Variants in SHISA9 observed in about 807,000 individuals in gnomAD.
The protein encoded by SHISA9 is protein shisa-9.
In SHISA9, 13 loss-of-function variants were observed where a neutral mutation model predicts 38.0. The ratio of observed to expected loss-of-function variants is 0.34; its 90% CI spans 0.22 to 0.54. The LOEUF (loss-of-function observed/expected upper bound fraction) is 0.54. Among genes scored for constraint, SHISA9 ranks in the 20% least tolerant of loss-of-function variants. The probability of loss-of-function intolerance (pLI) is 0.91; values close to 1 mark genes in which losing one functional copy is unlikely to be tolerated. For missense variants in SHISA9, 538 were observed against 575.8 expected, an observed-to-expected ratio of 0.93 and a Z score of 0.67; for synonymous variants, 275 against 242.0, an observed-to-expected ratio of 1.14 and a Z score of -1.27.
chr16:13,139,014 C>G (rs1392548500), intron 2 of SHISA9, among the ~76,000 whole-genome samples: 2 of 152,118 alleles, frequency 1.3e-5, no homozygotes, highest in African/African-American at 2.4e-5. Flanking sequence ...CTCCTATCCT[C>G]AAACGTGGGG....
intron 2 of SHISA9, among the ~76,000 whole-genome samples, chr16:12,917,199 T>C (rs1384760053): frequency 2.6e-5 from 4 of 152,228 alleles, no homozygotes; most frequent in East Asian, 1.9e-4. Flanking sequence ...GCCAATGGTC[T>C]GCTAGCTTAT....
At chr16:13,310,165 G>A in the SHISA9 span, among the ~76,000 whole-genome samples, 13 of 152,210 alleles carry the variant, frequency 8.5e-5, no homozygotes, top group African/African-American at 3.1e-4. Flanking sequence ...TGGGATTACA[G>A]GCGTGAGCCA....
At chr16:12,984,292 T>C (rs1031638512) in intron 2 of SHISA9, among the ~76,000 whole-genome samples, 8 of 152,182 alleles carry the variant, frequency 5.3e-5, no homozygotes, top group African/African-American at 1.2e-4. Context: ...TGTGTAAAAA[T>C]TGAAGCCCCT....
rs34471353 is a variant in SHISA9 at position 13,118,730 on chromosome 16, C to CTTTTTTTTT, written c.692-84656_692-84648dup. ...CATTTCTTTCTTTCTTTTCTTTTTT[C>CTTTTTTTTT]TTTTTTTTTTTTTTTTGAGACAGAG... On this transcript the variant is annotated intron_variant, in intron 2 of 4. Transcript: ENST00000558583. 1.8e-4 allele frequency among the ~76,000 whole-genome samples: 23 copies of CTTTTTTTTT among 130,738 alleles called. 2 individuals are homozygous for CTTTTTTTTT. Among genetic ancestry groups the CTTTTTTTTT allele is most frequent in the South Asian group, 4.8e-4 (2 of 4,136 alleles). 85.8% of individuals were successfully genotyped at this position (130,738 alleles called of 152,430 possible).
chr16:13,099,331 A>G (rs976456120), intron 2 of SHISA9, among the ~76,000 whole-genome samples: 6 of 152,214 alleles, frequency 3.9e-5, no homozygotes, highest in African/African-American at 1.4e-4. Context: ...TGGAGCAGGA[A>G]GACAGATAAT....
At chr16:13,380,956 G>T in the SHISA9 span, among the ~76,000 whole-genome samples, 1 of 151,894 alleles carries the variant, frequency 6.6e-6, no homozygotes, top group Non-Finnish European at 1.5e-5. Flanking sequence ...TGCTGAGAAT[G>T]ATGGTTTCCA....
chr16:13,007,433 A>G (rs1006043159), intron 2 of SHISA9, among the ~76,000 whole-genome samples: 3 of 152,032 alleles, frequency 2.0e-5, no homozygotes, highest in Non-Finnish European at 4.4e-5. Context: ...TCTTTGCACA[A>G]GTGTTCTTTA....
chr16:13,382,585 G>A, the SHISA9 span, among the ~76,000 whole-genome samples: 2 of 149,590 alleles, frequency 1.3e-5, no homozygotes, highest in Admixed American at 6.7e-5. Flanking sequence ...GGTGGCTTTC[G>A]TCTGTAATCC....
At chr16:13,421,445 C>T in the SHISA9 span, among the ~76,000 whole-genome samples, 1 of 152,118 alleles carries the variant, frequency 6.6e-6, no homozygotes, top group Non-Finnish European at 1.5e-5. Context: ...GCGGAAACCC[C>T]TGATAAAACC....
chr16:13,135,867 C>T (rs1200304906), intron 2 of SHISA9, among the ~76,000 whole-genome samples: 1 of 152,096 alleles, frequency 6.6e-6, no homozygotes, highest in Non-Finnish European at 1.5e-5. Context: ...CATTTTGTTG[C>T]TTAAGGGTTT....
At chr16:13,121,327 A>G (rs970480041) in intron 2 of SHISA9, among the ~76,000 whole-genome samples, 5 of 152,068 alleles carry the variant, frequency 3.3e-5, no homozygotes, top group Admixed American at 1.3e-4. Flanking sequence ...CCTCTCTACA[A>G]AAAATTTTAA....
chr16:13,075,707 C>G (rs2073573202), intron 2 of SHISA9, among the ~76,000 whole-genome samples: 1 of 152,176 alleles, frequency 6.6e-6, no homozygotes, highest in Non-Finnish European at 1.5e-5. Flanking sequence ...AATGTCTATT[C>G]TGAAGGTACT....
chr16:13,215,380 G>C (rs146829468), intron 4 of SHISA9, among the ~76,000 whole-genome samples: 119 of 152,294 alleles, frequency 7.8e-4, no homozygotes, highest in African/African-American at 2.8e-3. Flanking sequence ...AGAATCCCCT[G>C]ACTACCTGGC....
At chr16:13,081,506 G>A (rs1229856210) in intron 2 of SHISA9, among the ~76,000 whole-genome samples, 4 of 152,134 alleles carry the variant, frequency 2.6e-5, no homozygotes, top group Non-Finnish European at 5.9e-5. Context: ...TGGCTGCAAG[G>A]GAAGTTAGAC....
chr16:13,227,234 G>T (rs1377512640), intron 4 of SHISA9, among the ~76,000 whole-genome samples: 1 of 152,342 alleles, frequency 6.6e-6, no homozygotes, highest in East Asian at 1.9e-4. Flanking sequence ...TGAACAAACA[G>T]CTCGAAGACT....
chr16:12,975,932 T>C (rs2072155922), intron 2 of SHISA9, among the ~76,000 whole-genome samples: 1 of 152,120 alleles, frequency 6.6e-6, no homozygotes, highest in Admixed American at 6.5e-5. Context: ...TAGTTAAATT[T>C]TAATTCATCA....
At chr16:13,092,839 C>G (rs1406725920) in intron 2 of SHISA9, among the ~76,000 whole-genome samples, 1 of 152,172 alleles carries the variant, frequency 6.6e-6, no homozygotes, top group Non-Finnish European at 1.5e-5. Context: ...CACTGTCTGA[C>G]CAGTCCCAGT....
chr16:13,541,895 G>A, the SHISA9 span, among the ~76,000 whole-genome samples: 1 of 152,238 alleles, frequency 6.6e-6, no homozygotes, highest in Non-Finnish European at 1.5e-5. Context: ...GGTATACTGG[G>A]TCGAATGCTG....
At chr16:12,905,950 T>G (rs1357486532) in intron 1 of SHISA9, among the ~76,000 whole-genome samples, 1 of 152,216 alleles carries the variant, frequency 6.6e-6, no homozygotes, top group Admixed American at 6.5e-5. Flanking sequence ...TTTTCTGTGG[T>G]GCTGGGGCTA....
Sources: gnomAD v4.1 joint callset for allele counts (sites outside exome capture counted in the v4.1 genomes callset) on GRCh38, gnomAD v4.1.1 for gene constraint, MANE v1.5 for transcripts, NCBI Gene and HGNC (gene_info 2026-07-23, HGNC 2026-07-21) for gene names.